Variants in JAZF1 observed in about 807,000 individuals in gnomAD.
The protein encoded by JAZF1 is JAZF zinc finger 1, also known as juxtaposed with another zinc finger protein 1.
A neutral mutation model predicts 26.4 loss-of-function variants in JAZF1; 8 were observed. The ratio of observed to expected loss-of-function variants is 0.30; its 90% confidence interval spans 0.18 to 0.55. JAZF1 has a LOEUF of 0.55. Among genes scored for constraint, JAZF1 ranks in the 20% least tolerant of loss-of-function variants. The probability of loss-of-function intolerance (pLI) is 0.94; values close to 1 mark genes in which losing one functional copy is unlikely to be tolerated. For missense variants in JAZF1, 199 were observed against 322.0 expected, an observed-to-expected ratio of 0.62 and a Z score of 2.92; for synonymous variants, 126 against 122.3, an observed-to-expected ratio of 1.03 and a Z score of -0.20.
At chr7:28,094,627 A>G (rs1028774686) in intron 1 of JAZF1, among the ~76,000 whole-genome samples, 10 of 152,212 alleles carry the variant, frequency 6.6e-5, no homozygotes, top group African/African-American at 2.4e-4. Flanking sequence ...GAAGGAACCC[A>G]GTAGGCACCC....
chr7:27,961,254 A>G (rs755174422), intron 2 of JAZF1, among the ~76,000 whole-genome samples: 13 of 152,254 alleles, frequency 8.5e-5, no homozygotes, highest in Non-Finnish European at 1.5e-4. Context: ...CACCAAGCTT[A>G]TCAGAAGCAA....
At chr7:27,992,367 T>A (rs1391817421) in intron 1 of JAZF1, 3 of 348,280 alleles carry the variant, frequency 8.6e-6, no homozygotes, top group Non-Finnish European at 1.7e-5. Flanking sequence ...TTAGTTTCCA[T>A]TGGAAAGCTC....
chr7:27,914,653 C>A, intron 2 of JAZF1: 1 of 455,182 alleles, frequency 2.2e-6, no homozygotes. Context: ...GCTGTGTGGC[C>A]AACATTTACC....
At chr7:27,950,261 A>G (rs1224984741) in intron 2 of JAZF1, among the ~76,000 whole-genome samples, 2 of 152,240 alleles carry the variant, frequency 1.3e-5, no homozygotes, top group Non-Finnish European at 2.9e-5. Context: ...TGTTGAGGCT[A>G]TACAGTCTGA....
chr7:27,943,487 G>A (rs753268484), intron 2 of JAZF1, among the ~76,000 whole-genome samples: 30 of 152,286 alleles, frequency 2.0e-4, no homozygotes, highest in South Asian at 6.2e-4. Flanking sequence ...GATCATTTCC[G>A]TCTGAAATAA....
intron 1 of JAZF1, among the ~76,000 whole-genome samples, chr7:28,129,687 T>A (rs1219558109): frequency 6.6e-6 from 1 of 152,194 alleles, no homozygotes; most frequent in Non-Finnish European, 1.5e-5. Context: ...TTTTAATAAG[T>A]AATTTTTTAT....
At chr7:28,120,140 C>A (rs964147781) in intron 1 of JAZF1, among the ~76,000 whole-genome samples, 5 of 151,212 alleles carry the variant, frequency 3.3e-5, no homozygotes, top group African/African-American at 1.2e-4. Context: ...CTTATCTTAT[C>A]TTGTAAAAGT....
chr7:27,882,730 G>A (rs1157156605), intron 3 of JAZF1, among the ~76,000 whole-genome samples: 1 of 152,192 alleles, frequency 6.6e-6, no homozygotes, highest in East Asian at 1.9e-4. Flanking sequence ...TAAAACTTGA[G>A]CCACATGGAA....
rs1474955089 is a variant in JAZF1 at position 27,895,338 on chromosome 7, G to A, written c.267C>T (p.Ser89=). The A allele has an allele frequency of 2.5e-6, 4 of 1,611,234 alleles. No individual in the cohort carries two copies. The highest frequency in any genetic ancestry group is 2.2e-5 in the East Asian group (1 of 44,656). The part of the protein sequence containing the change: ...KIQPKLSLTL[S]SSVSRGNVST... ...ACACATTCCCTCGAGACACTGAGCT[G>A]GACAGAGTCAGCGAGAGCTTCGGCT... Residue 89 remains serine (S), a synonymous_variant, in exon 3 of 5, where the codon TCC becomes TCT. Coordinates refer to ENST00000283928, the MANE Select transcript of JAZF1 (RefSeq NM_175061.4).
intron 3 of JAZF1, among the ~76,000 whole-genome samples, chr7:27,893,090 G>C (rs556950592): frequency 1.3e-5 from 2 of 152,220 alleles, no homozygotes; most frequent in Non-Finnish European, 2.9e-5. Flanking sequence ...TAAAGAAAGA[G>C]GTCCCCTAAT....
At chr7:28,098,205 C>T (rs902159363) in intron 1 of JAZF1, among the ~76,000 whole-genome samples, 21 of 151,740 alleles carry the variant, frequency 1.4e-4, no homozygotes, top group African/African-American at 3.9e-4. Context: ...TTTTCTTCTC[C>T]CTCTCCCTCT....
chr7:28,161,927 T>C (rs1276395370), intron 1 of JAZF1, among the ~76,000 whole-genome samples: 2 of 152,214 alleles, frequency 1.3e-5, no homozygotes, highest in African/African-American at 4.8e-5. Context: ...TAATATATAG[T>C]ACCTCCTTTG....
intron 2 of JAZF1, among the ~76,000 whole-genome samples, chr7:27,908,534 G>T (rs533413311): frequency 1.3e-5 from 2 of 152,056 alleles, no homozygotes; most frequent in South Asian, 2.1e-4. Flanking sequence ...ATTCATGGAC[G>T]GTCACTGATT....
chr7:27,978,223 A>G (rs1230314073), intron 2 of JAZF1, among the ~76,000 whole-genome samples: 1 of 152,220 alleles, frequency 6.6e-6, no homozygotes, highest in East Asian at 1.9e-4. Flanking sequence ...AGTCTTATAT[A>G]TGACAGACAC....
chr7:27,890,754 C>G (rs1177026072), intron 3 of JAZF1, among the ~76,000 whole-genome samples: 1 of 151,530 alleles, frequency 6.6e-6, no homozygotes, highest in African/African-American at 2.4e-5. Context: ...TTGCCTTTCC[C>G]TCTAAGTAAT....
chr7:28,158,320 G>A (rs118107572), intron 1 of JAZF1, among the ~76,000 whole-genome samples: 1 of 152,262 alleles, frequency 6.6e-6, no homozygotes, highest in East Asian at 1.9e-4. Flanking sequence ...CAACGTAATG[G>A]AGGCAGTAGT....
intron 1 of JAZF1, among the ~76,000 whole-genome samples, chr7:28,030,901 C>A (rs753533653): frequency 6.6e-6 from 1 of 152,108 alleles, no homozygotes; most frequent in Non-Finnish European, 1.5e-5. Flanking sequence ...TAAAGATAAA[C>A]CTTCTTATGA....
Position 27,956,317 on chromosome 7 carries a change from G to A in JAZF1, c.188+35592C>T, listed in dbSNP as rs79822104. Among the ~76,000 whole-genome samples, 1,027 of 152,182 alleles carry A rather than the reference G, an allele frequency of 6.7e-3. 10 individuals carry two copies. The highest frequency in any genetic ancestry group is 0.023 in the African/African-American group (961 of 41,532). Reference sequence around the variant, plus strand: ...CCATATATTATAAAACTGAGGGTCCGGACCTTTGACTCAATTACTTCCCTC... The same window carrying A: ...CCATATATTATAAAACTGAGGGTCCAGACCTTTGACTCAATTACTTCCCTC... On this transcript the variant is annotated intron_variant, in intron 2 of 4. Transcript: ENST00000283928.
At chr7:27,893,551 C>T (rs780269339) in intron 3 of JAZF1, among the ~76,000 whole-genome samples, 1 of 152,318 alleles carries the variant, frequency 6.6e-6, no homozygotes, top group South Asian at 2.1e-4. Flanking sequence ...TGTGACATTG[C>T]TCCCCCTTTC....
Sources: gnomAD v4.1 joint callset for allele counts (sites outside exome capture counted in the v4.1 genomes callset) on GRCh38, gnomAD v4.1.1 for gene constraint, MANE v1.5 for transcripts, NCBI Gene and HGNC (gene_info 2026-07-23, HGNC 2026-07-21) for gene names.